PHACTR1: variants seen among roughly 807,000 people sequenced by gnomAD.
PHACTR1 encodes phosphatase and actin regulator 1.
PHACTR1 carries 16 observed loss-of-function variants against 69.2 expected under a neutral mutation model. The ratio of observed to expected loss-of-function variants is 0.23; its 90% CI spans 0.16 to 0.35. The LOEUF is 0.35. Among genes scored for constraint, PHACTR1 ranks in the 10% least tolerant of loss-of-function variants. The pLI is 1.00. For missense variants in PHACTR1, 510 were observed against 734.7 expected, an observed-to-expected ratio of 0.69 and a Z score of 3.54; for synonymous variants, 312 against 284.5, an observed-to-expected ratio of 1.10 and a Z score of -0.97.
chr6:13,000,466 C>T (rs899639067), intron 4 of PHACTR1, among the ~76,000 whole-genome samples: 6 of 151,862 alleles, frequency 4.0e-5, no homozygotes, highest in African/African-American at 1.5e-4. Context: ...GAGGATCTCT[C>T]GAGCTCAGGA....
chr6:12,999,326 A>C (rs899145904), intron 4 of PHACTR1, among the ~76,000 whole-genome samples: 5 of 152,208 alleles, frequency 3.3e-5, no homozygotes, highest in African/African-American at 1.2e-4. Flanking sequence ...GAGGCCGGGC[A>C]TGGTGGCTCA....
intron 4 of PHACTR1, among the ~76,000 whole-genome samples, chr6:12,768,067 ATC>A (rs1554135754): frequency 6.7e-6 from 1 of 149,434 alleles, no homozygotes; most frequent in Non-Finnish European, 1.5e-5. Context: ...GTACAATAAC[ATC>A]TCTCTCTATG....
intron 4 of PHACTR1, among the ~76,000 whole-genome samples, chr6:13,048,984 G>C (rs1805521601): frequency 6.6e-6 from 1 of 152,126 alleles, no homozygotes; most frequent in Non-Finnish European, 1.5e-5. Flanking sequence ...ATATAAATCA[G>C]CTAAACCTAA....
intron 10 of PHACTR1, among the ~76,000 whole-genome samples, chr6:13,244,316 C>CA: frequency 6.6e-6 from 1 of 152,288 alleles, no homozygotes; most frequent in East Asian, 1.9e-4. Context: ...CACAGGACCA[C>CA]AGCTGCCAGG....
intron 5 of PHACTR1, among the ~76,000 whole-genome samples, chr6:13,133,983 C>T (rs11700631): frequency 6.6e-6 from 1 of 151,814 alleles, no homozygotes; most frequent in African/African-American, 2.4e-5. Context: ...TCTGCCCGGC[C>T]GCGACTCCGT....
intron 5 of PHACTR1, among the ~76,000 whole-genome samples, chr6:13,068,647 T>C (rs1267414573): frequency 6.6e-6 from 1 of 152,194 alleles, no homozygotes; most frequent in East Asian, 1.9e-4. Context: ...TTTTGTTCCG[T>C]AGTTTCCTGG....
At chr6:13,159,650 C>T (rs564249637) in intron 5 of PHACTR1, among the ~76,000 whole-genome samples, 7 of 152,216 alleles carry the variant, frequency 4.6e-5, no homozygotes, top group African/African-American at 1.4e-4. Flanking sequence ...TAAATAAGAA[C>T]GCCTACCTTG....
intron 4 of PHACTR1, among the ~76,000 whole-genome samples, chr6:12,780,828 C>G (rs1312443395): frequency 1.3e-5 from 2 of 152,196 alleles, no homozygotes; most frequent in African/African-American, 4.8e-5. Context: ...AGAGTGCAAA[C>G]TGACCTCACT....
At chr6:13,045,815 C>T (rs1044790479) in intron 4 of PHACTR1, among the ~76,000 whole-genome samples, 1 of 152,200 alleles carries the variant, frequency 6.6e-6, no homozygotes, top group Non-Finnish European at 1.5e-5. Context: ...GAAAGCATCC[C>T]TAGGAACTTG....
chr6:13,052,913 G>A (rs1034063049), intron 4 of PHACTR1, among the ~76,000 whole-genome samples: 7 of 152,172 alleles, frequency 4.6e-5, no homozygotes, highest in South Asian at 2.1e-4. Flanking sequence ...TATTGGAGAC[G>A]TTGGCTTTGG....
chr6:13,031,352 G>T (rs925805444), intron 4 of PHACTR1, among the ~76,000 whole-genome samples: 6 of 152,114 alleles, frequency 3.9e-5, no homozygotes, highest in Non-Finnish European at 8.8e-5. Context: ...TATGTTTATT[G>T]TGCCACCATT....
chr6:13,110,021 T>G (rs1381217025), intron 5 of PHACTR1, among the ~76,000 whole-genome samples: 4 of 152,112 alleles, frequency 2.6e-5, no homozygotes, highest in Non-Finnish European at 5.9e-5. Flanking sequence ...TTTAATATCT[T>G]AAGCTTCTCT....
intron 5 of PHACTR1, among the ~76,000 whole-genome samples, chr6:13,095,289 T>C (rs1561823055): frequency 6.6e-6 from 1 of 152,232 alleles, no homozygotes; most frequent in Non-Finnish European, 1.5e-5. Context: ...GCACTGTTAA[T>C]GGGCTATTAA....
In PHACTR1 at chr6:13,227,922, G is replaced by T. The variant is rs867197183; in HGVS notation, c.1093G>T (p.Val365Leu). The T allele has an allele frequency of 1.2e-6, 2 of 1,614,018 alleles. No homozygotes were observed. Among genetic ancestry groups the T allele is most frequent in the Admixed American group, 1.7e-5 (1 of 60,020 alleles). Residue 365 changes from valine (V) to leucine (L), a missense_variant, in exon 9 of 15, where the codon GTG (valine) becomes TTG (leucine). Coordinates refer to ENST00000332995, the MANE Select transcript of PHACTR1 (RefSeq NM_030948.6). The part of the protein sequence containing the change: ...GPMGLPEIRQ[V>L]PTVVIECDDN... ...TATGGGCCTTCCAGAAATAAGACAAGTGCCAACTGTTGTGATTGAATGTGA... is the reference window on the plus strand; with the variant it reads ...TATGGGCCTTCCAGAAATAAGACAATTGCCAACTGTTGTGATTGAATGTGA...
intron 4 of PHACTR1, among the ~76,000 whole-genome samples, chr6:12,919,817 C>A (rs1250359798): frequency 1.3e-5 from 2 of 152,106 alleles, no homozygotes; most frequent in African/African-American, 4.8e-5. Context: ...ACATCTTTTG[C>A]GTCTTTTGTT....
At chr6:12,833,804 C>T (rs1263111459) in intron 4 of PHACTR1, among the ~76,000 whole-genome samples, 1 of 152,124 alleles carries the variant, frequency 6.6e-6, no homozygotes, top group Non-Finnish European at 1.5e-5. Flanking sequence ...GGAATAAAAT[C>T]CCATCCCCTA....
At chr6:12,891,910 T>C (rs1784204660) in intron 4 of PHACTR1, among the ~76,000 whole-genome samples, 1 of 152,214 alleles carries the variant, frequency 6.6e-6, no homozygotes, top group Non-Finnish European at 1.5e-5. Context: ...ACAGGGATAA[T>C]AATAGGGCCA....
intron 11 of PHACTR1, among the ~76,000 whole-genome samples, chr6:13,277,641 G>A (rs186700668): frequency 2.0e-3 from 308 of 152,122 alleles, no homozygotes; most frequent in African/African-American, 6.9e-3. Context: ...GTGTGTCCCC[G>A]TGTCAACATT....
intron 4 of PHACTR1, among the ~76,000 whole-genome samples, chr6:13,009,347 G>T (rs895584772): frequency 2.0e-5 from 3 of 152,132 alleles, no homozygotes; most frequent in Admixed American, 2.0e-4. Context: ...GAAATTGAAT[G>T]AATAGCTTGA....
Sources: gnomAD v4.1 joint callset for allele counts (sites outside exome capture counted in the v4.1 genomes callset) on GRCh38, gnomAD v4.1.1 for gene constraint, MANE v1.5 for transcripts, NCBI Gene and HGNC (gene_info 2026-07-23, HGNC 2026-07-21) for gene names.